The following ARID2 variants were observed in gnomAD, a reference collection of about 807,000 sequenced individuals.
ARID2 encodes the protein AT-rich interactive domain-containing protein 2.
In ARID2, 32 loss-of-function variants were observed where a neutral mutation model predicts 184.6. The ratio of observed to expected loss-of-function variants is 0.17; its 90% CI spans 0.13 to 0.23. ARID2 has a LOEUF of 0.23. Ranked by LOEUF, ARID2 falls within the 10% of genes least tolerant of loss-of-function variation. The pLI is 1.00. For missense variants in ARID2, 1,696 were observed against 2,197.6 expected, an observed-to-expected ratio of 0.77 and a Z score of 4.56; for synonymous variants, 836 against 772.6, an observed-to-expected ratio of 1.08 and a Z score of -1.36.
chr12:45,788,756 A>T (rs557065983), intron 3 of ARID2, among the ~76,000 whole-genome samples: 1 of 152,310 alleles, frequency 6.6e-6, no homozygotes, highest in East Asian at 1.9e-4. Flanking sequence ...AATTACTTAA[A>T]GCATTTCAAA....
intron 16 of ARID2, among the ~76,000 whole-genome samples, chr12:45,888,587 C>G (rs1338840825): frequency 2.0e-5 from 3 of 152,130 alleles, no homozygotes; most frequent in Non-Finnish European, 2.9e-5. Flanking sequence ...CCTCCACTAC[C>G]CCTTACCACC....
In ARID2 at chr12:45,761,541, G is replaced by GT. The variant is rs1194062262; in HGVS notation, c.284+30231dup. On this transcript the variant is annotated intron_variant, in intron 3 of 20. Coordinates refer to ENST00000334344, the MANE Select transcript of ARID2 (RefSeq NM_152641.4). Reference sequence around the variant, plus strand: ...CTCAATATTTTGAGGATAGGGTAATGTTTTATTGTCCTCTTCCTGTCCTGG... The same window carrying GT: ...CTCAATATTTTGAGGATAGGGTAATGTTTTTATTGTCCTCTTCCTGTCCTGG... 2.0e-5 allele frequency among the ~76,000 whole-genome samples: 3 copies of GT among 152,062 alleles called. No individual in the cohort carries two copies. The East Asian group carries it at 5.8e-4, about 29-fold the overall frequency.
intron 13 of ARID2, among the ~76,000 whole-genome samples, 196 bp downstream of exon 13, chr12:45,849,166 CATT>C (rs1302777902): frequency 9.2e-5 from 14 of 152,168 alleles, no homozygotes; most frequent in African/African-American, 3.4e-4. Flanking sequence ...TGTGTTGGAA[CATT>C]ATGAGATTTA....
At chr12:45,843,167 T>C (rs1943382542) in intron 11 of ARID2, among the ~76,000 whole-genome samples, 1 of 151,982 alleles carries the variant, frequency 6.6e-6, no homozygotes, top group Non-Finnish European at 1.5e-5. Flanking sequence ...CTGGAAAATA[T>C]ATCAAAAAGA....
chr12:45,787,209 A>G (rs552675789), intron 3 of ARID2, among the ~76,000 whole-genome samples: 4 of 147,550 alleles, frequency 2.7e-5, no homozygotes, highest in African/African-American at 1.0e-4. Flanking sequence ...ATGTATACCT[A>G]TTTCTTTTCT....
At chr12:45,828,945 A>G (rs149546110) in intron 6 of ARID2, among the ~76,000 whole-genome samples, 279 of 151,780 alleles carry the variant, frequency 1.8e-3, no homozygotes, top group African/African-American at 6.1e-3. Context: ...TTTAACATCA[A>G]TTTTTCTGGA....
chr12:45,851,805 T>C lies in ARID2; in HGVS notation c.3682T>C (p.Ser1228Pro). The C allele has an allele frequency of 1.9e-6, 3 of 1,614,074 alleles. No individual in the cohort carries two copies. The highest frequency in any genetic ancestry group is 2.2e-5 in the East Asian group (1 of 44,876). The change falls in exon 15 of 21, where the codon TCA (serine) becomes CCA (proline). Residue 1228 changes from serine (S) to proline (P), a missense_variant. Transcript: ENST00000334344. ...PATQASPAGQ[S>P]SCTTATPPFK... ...CACTCAAGCATCTCCTGCTGGACAA[T>C]CATCATGTACTACTGCTACTCCCCC...
chr12:45,865,068 C>T (rs1221442356), intron 16 of ARID2, among the ~76,000 whole-genome samples: 2 of 152,088 alleles, frequency 1.3e-5, no homozygotes, highest in South Asian at 2.1e-4. Context: ...GTGCCATTTT[C>T]GGTCAGTGAA....
chr12:45,749,593 G>A (rs1941420917), intron 3 of ARID2, among the ~76,000 whole-genome samples: 1 of 152,124 alleles, frequency 6.6e-6, no homozygotes, highest in African/African-American at 2.4e-5. Flanking sequence ...AGTCTCAGAT[G>A]GCATCTTCTT....
Position 45,790,950 on chromosome 12 carries a change from G to C in ARID2, c.285-20468G>C, listed in dbSNP as rs562797700. ...TCTATTTATTCGTCAGTGGACGCTTGGGCTACTTCTTCCTTTTGACTATTG... is the reference window on the plus strand; with the variant it reads ...TCTATTTATTCGTCAGTGGACGCTTCGGCTACTTCTTCCTTTTGACTATTG... On this transcript the variant is annotated intron_variant, in intron 3 of 20. Transcript: ENST00000334344. 4.6e-5 allele frequency among the ~76,000 whole-genome samples: 7 copies of C among 152,202 alleles called. No homozygotes were observed. The South Asian group carries it at 1.5e-3, about 32-fold the overall frequency.
intron 3 of ARID2, among the ~76,000 whole-genome samples, chr12:45,754,878 A>T (rs572361101): frequency 6.6e-6 from 1 of 152,238 alleles, no homozygotes; most frequent in Non-Finnish European, 1.5e-5. Flanking sequence ...GCTTGCAAGG[A>T]TAATTGGAAA....
intron 16 of ARID2, among the ~76,000 whole-genome samples, chr12:45,866,594 A>T (rs907415650): frequency 6.6e-6 from 1 of 152,174 alleles, no homozygotes; most frequent in East Asian, 1.9e-4. Flanking sequence ...CTTGTTTCCC[A>T]CTACCTGGCT....
In ARID2 at chr12:45,811,545, G is replaced by A; in HGVS notation, c.412G>A (p.Val138Met). The change falls in exon 4 of 21, where the codon GTG (valine) becomes ATG (methionine). Residue 138 changes from valine (V) to methionine (M), a missense_variant. Val to Met is a conservative substitution (Grantham distance 21, BLOSUM62 1). This residue lies in a region of ARID2 where 148 missense variants were observed against 285.4 expected (regional missense o/e 0.52). Coordinates refer to ENST00000334344, the MANE Select transcript of ARID2 (RefSeq NM_152641.4). ...TTCCTACAATTACCAGCAACACAGT[G>A]TGTCGGGTAAATATCACTGCAAATT... ...PSSYNYQQHS[V>M]SDYLRQSYGL... 7 of 1,612,498 alleles carry A rather than the reference G, an allele frequency of 4.3e-6. No individual in the cohort carries two copies. The highest frequency in any genetic ancestry group is 5.9e-6 in the Non-Finnish European group (7 of 1,179,368).
intron 16 of ARID2, 110 bp downstream of exon 16, chr12:45,861,059 A>G: frequency 1.0e-6 from 1 of 965,382 alleles, no homozygotes. Flanking sequence ...TAGAACCACT[A>G]ACTTTAGCGA....
chr12:45,823,957 CA>C (rs1314483150), intron 6 of ARID2, among the ~76,000 whole-genome samples: 1 of 152,046 alleles, frequency 6.6e-6, no homozygotes, highest in Non-Finnish European at 1.5e-5. Flanking sequence ...ACTCTGATAC[CA>C]AAACCAGGCA....
intron 3 of ARID2, among the ~76,000 whole-genome samples, chr12:45,731,817 T>G (rs1344501473): frequency 6.6e-6 from 1 of 152,102 alleles, no homozygotes; most frequent in Non-Finnish European, 1.5e-5. Flanking sequence ...GCATAACATG[T>G]TGGTGGCTTA....
In ARID2 at chr12:45,877,127, A is replaced by G. The variant is rs138035260; in HGVS notation, c.4923-14653A>G. Among the ~76,000 whole-genome samples the G allele has an allele frequency of 1.2e-3, 189 of 152,186 alleles. 1 individual carries two copies. Among genetic ancestry groups the G allele is most frequent in the Middle Eastern group, 6.8e-3 (2 of 294 alleles). On this transcript the variant is annotated intron_variant, in intron 16 of 20. Transcript: ENST00000334344. ...AAAAAAAAAGTATTTGCAAAGCATA[A>G]TAAAGCAACATGCAATAAAATGGGA...
At chr12:45,862,455 A>T (rs1385876245) in intron 16 of ARID2, among the ~76,000 whole-genome samples, 2 of 151,508 alleles carry the variant, frequency 1.3e-5, no homozygotes, top group Non-Finnish European at 2.9e-5. Context: ...TGCCAATTTT[A>T]CTCTCTCCAT....
intron 18 of ARID2, among the ~76,000 whole-genome samples, chr12:45,892,512 A>G (rs1434903849): frequency 6.6e-6 from 1 of 152,192 alleles, no homozygotes; most frequent in Non-Finnish European, 1.5e-5. Flanking sequence ...ATATAAACAT[A>G]CACTAGTTTA....
Sources: allele counts gnomAD v4.1 joint callset (sites outside exome capture counted in the v4.1 genomes callset), GRCh38; gene constraint gnomAD v4.1.1; regional missense constraint gnomAD v4.1.1; transcripts MANE v1.5; gene names NCBI Gene and HGNC (gene_info 2026-07-23, HGNC 2026-07-21).